Variants in PEBP4 observed in about 807,000 individuals in gnomAD.
The protein encoded by PEBP4 is phosphatidylethanolamine binding protein 4.
In PEBP4, 22 loss-of-function variants were observed where a neutral mutation model predicts 23.9. That is an observed-to-expected ratio of 0.92 (90% CI 0.66 to 1.31). The LOEUF is 1.31. Among genes scored for constraint, PEBP4 ranks in the 40% most tolerant of loss-of-function variants. The pLI, the probability that PEBP4 is intolerant of heterozygous loss-of-function variation, is 0.00. For missense variants in PEBP4, 324 were observed against 281.7 expected, an observed-to-expected ratio of 1.15 and a Z score of -1.07; for synonymous variants, 112 against 99.3, an observed-to-expected ratio of 1.13 and a Z score of -0.76.
chr8:22,763,776 A>C (rs756551022), intron 4 of PEBP4, among the ~76,000 whole-genome samples: 3 of 152,062 alleles, frequency 2.0e-5, no homozygotes, highest in Non-Finnish European at 4.4e-5. Context: ...TCCAAGAACT[A>C]CCATGGTTGT....
chr8:22,812,452 T>G (rs577321170), intron 4 of PEBP4, among the ~76,000 whole-genome samples: 2 of 152,362 alleles, frequency 1.3e-5, no homozygotes, highest in African/African-American at 4.8e-5. Context: ...TGGCCACCTC[T>G]GTGCTGTCTC....
intron 3 of PEBP4, among the ~76,000 whole-genome samples, chr8:22,821,137 T>G (rs1458511452): frequency 6.6e-6 from 1 of 152,128 alleles, no homozygotes; most frequent in Admixed American, 6.5e-5. Context: ...CAGTGAGCCA[T>G]GACTGCACCA....
At chr8:22,843,861 T>C (rs542367868) in intron 3 of PEBP4, among the ~76,000 whole-genome samples, 141 of 152,314 alleles carry the variant, frequency 9.3e-4, no homozygotes, top group African/African-American at 3.2e-3. Flanking sequence ...AGTGAGGCGA[T>C]GCCCCTCCGC....
intron 6 of PEBP4, among the ~76,000 whole-genome samples, chr8:22,720,814 A>G (rs1367587035): frequency 6.6e-6 from 1 of 152,150 alleles, no homozygotes; most frequent in Admixed American, 6.5e-5. Context: ...CCCCCTATCC[A>G]TAGAGCTACA....
At chr8:22,855,543 C>A (rs951249035) in intron 3 of PEBP4, among the ~76,000 whole-genome samples, 1 of 152,140 alleles carries the variant, frequency 6.6e-6, no homozygotes, top group African/African-American at 2.4e-5. Context: ...GGAGGCTGTG[C>A]ACCCCTGAGG....
chr8:22,862,622 G>A (rs1807800566), intron 3 of PEBP4, among the ~76,000 whole-genome samples: 1 of 151,994 alleles, frequency 6.6e-6, no homozygotes, highest in Admixed American at 6.6e-5. Flanking sequence ...CCATTCTAAA[G>A]GCTTAAACAC....
At chr8:22,858,739 G>A (rs1341539429) in intron 3 of PEBP4, among the ~76,000 whole-genome samples, 1 of 152,184 alleles carries the variant, frequency 6.6e-6, no homozygotes, top group African/African-American at 2.4e-5. Flanking sequence ...TTGAGGCCAG[G>A]AGTTCGAAAC....
chr8:22,790,600 AG>A (rs545201154), intron 4 of PEBP4, among the ~76,000 whole-genome samples: 18 of 151,970 alleles, frequency 1.2e-4, no homozygotes, highest in Admixed American at 1.3e-4. Context: ...CGTGGGGTGG[AG>A]GGGGAAATAA....
chr8:22,803,725 C>T (rs1050809738), intron 4 of PEBP4, among the ~76,000 whole-genome samples: 19 of 152,046 alleles, frequency 1.2e-4, no homozygotes, highest in African/African-American at 4.6e-4. Context: ...ATGTCTAAGA[C>T]AGAGCTTGAG....
intron 4 of PEBP4, among the ~76,000 whole-genome samples, chr8:22,790,734 C>A (rs1326756794): frequency 4.6e-5 from 7 of 152,142 alleles, no homozygotes; most frequent in African/African-American, 1.7e-4. Flanking sequence ...CCTTTCTCAG[C>A]AAACAGACGG....
intron 4 of PEBP4, among the ~76,000 whole-genome samples, chr8:22,810,669 G>GGTGTGTGTGTGTGT (rs60078589): frequency 1.5e-4 from 19 of 129,198 alleles, no homozygotes; most frequent in African/African-American, 5.1e-4. Context: ...CTCATGGAGG[G>GGTGTGTGTGTGTGT]GTGTGTGTGT....
At chr8:22,745,948 C>G (rs1439641995) in intron 4 of PEBP4, among the ~76,000 whole-genome samples, 5 of 152,198 alleles carry the variant, frequency 3.3e-5, no homozygotes, top group Non-Finnish European at 7.3e-5. Context: ...AGGCGAAGCT[C>G]TTTGCCAAGG....
chr8:22,724,311 C>G (rs1383523350), intron 6 of PEBP4, among the ~76,000 whole-genome samples: 1 of 152,092 alleles, frequency 6.6e-6, no homozygotes, highest in African/African-American at 2.4e-5. Context: ...GGGAGTTGGT[C>G]TGCTCCAGAA....
At chr8:22,930,958 C>A (rs1037398078), upstream of PEBP4, among the ~76,000 whole-genome samples, 1 of 152,152 alleles carries the variant, frequency 6.6e-6, no homozygotes, top group Non-Finnish European at 1.5e-5. Flanking sequence ...CCATTCAAGC[C>A]AAACCTGTGG....
chr8:22,842,814 C>T (rs1807355439), intron 3 of PEBP4, among the ~76,000 whole-genome samples: 1 of 152,102 alleles, frequency 6.6e-6, no homozygotes, highest in Non-Finnish European at 1.5e-5. Context: ...ACTTTTTGAA[C>T]TACAGGCCCT....
chr8:22,903,681 T>C lies in PEBP4; in HGVS notation c.258+16503A>G, dbSNP rs1190258759. ...CATTGCTTTTTAAAATTCCAACTTG[T>C]AGCTGCCTCGATCTATAAATCAACC... On this transcript the variant is annotated intron_variant, in intron 3 of 6. Coordinates refer to ENST00000256404, the MANE Select transcript of PEBP4 (RefSeq NM_144962.3). 5.9e-5 allele frequency among the ~76,000 whole-genome samples: 9 copies of C among 152,204 alleles called. No individual in the cohort carries two copies. The South Asian group carries it at 1.5e-3, about 25-fold the overall frequency.
chr8:22,899,268 G>A (rs1808661691), intron 3 of PEBP4, among the ~76,000 whole-genome samples: 1 of 152,224 alleles, frequency 6.6e-6, no homozygotes, highest in African/African-American at 2.4e-5. Context: ...GGCTGCCGGG[G>A]GCATTTGGCC....
intron 3 of PEBP4, among the ~76,000 whole-genome samples, chr8:22,845,369 CA>C (rs34601804): frequency 0.71 from 94,578 of 132,940 alleles, 33,232 homozygotes; most frequent in South Asian, 0.84. Context: ...CGCATCTCTA[CA>C]AAAAAAAAAA....
intron 4 of PEBP4, among the ~76,000 whole-genome samples, chr8:22,804,002 C>T (rs1211554446): frequency 1.3e-5 from 2 of 152,212 alleles, no homozygotes; most frequent in African/African-American, 4.8e-5. Context: ...TCTTGGGCCA[C>T]TCCACATAGC....
Sources: allele counts gnomAD v4.1 joint callset (sites outside exome capture counted in the v4.1 genomes callset), GRCh38; gene constraint gnomAD v4.1.1; transcripts MANE v1.5; gene names NCBI Gene and HGNC (gene_info 2026-07-23, HGNC 2026-07-21).